Variants in FANCL observed in about 807,000 individuals in gnomAD.
FANCL encodes FA complementation group L.
FANCL carries 69 observed loss-of-function variants against 59.4 expected under a neutral mutation model. That is an observed-to-expected ratio of 1.16 (90% CI 0.96 to 1.42). The LOEUF is 1.42. FANCL is among the 40% of genes most tolerant of loss of function. FANCL has a pLI of 0.00. For synonymous variants in FANCL, 180 were observed against 147.1 expected, an observed-to-expected ratio of 1.22 and a Z score of -1.62; for missense variants, 519 against 447.2, an observed-to-expected ratio of 1.16 and a Z score of -1.45.
chr2:58,221,075 T>C (rs1692429090), intron 5 of FANCL, among the ~76,000 whole-genome samples: 1 of 151,636 alleles, frequency 6.6e-6, no homozygotes, highest in African/African-American at 2.4e-5. Context: ...TAGCCGGTCG[T>C]GGTGGCAGGC....
chr2:58,231,698 T>C (rs1400930640), intron 2 of FANCL, among the ~76,000 whole-genome samples: 2 of 152,198 alleles, frequency 1.3e-5, no homozygotes, highest in Admixed American at 6.5e-5. Context: ...TCTTCTCATA[T>C]AATGAATATA....
chr2:58,170,689 G>T (rs1254394335), intron 7 of FANCL, among the ~76,000 whole-genome samples: 1 of 120,642 alleles, frequency 8.3e-6, no homozygotes. Flanking sequence ...CAAGCAAATG[G>T]AAAGCAAAAA....
At chr2:58,236,022 C>T (rs1693984724) in intron 1 of FANCL, among the ~76,000 whole-genome samples, 1 of 149,406 alleles carries the variant, frequency 6.7e-6, no homozygotes. Flanking sequence ...ATTTGGAGTG[C>T]CCAACACAGA....
rs754317128 is a variant in FANCL, at chr2:58,159,404, T to TAAAC, written c.*357_*360dup. 18 of 1,613,336 alleles carry TAAAC rather than the reference T, an allele frequency of 1.1e-5. No homozygotes were observed. The highest frequency in any genetic ancestry group is 8.3e-5 in the Admixed American group (5 of 59,910). On this transcript the variant is annotated 3_prime_UTR_variant, in exon 14 of 14. Coordinates refer to ENST00000233741, the MANE Select transcript of FANCL (RefSeq NM_018062.4). ...GAGTCTCAAGAACCTTTGAATGAAG[T>TAAAC]AAACAGTTTCCCACAAAAAATCAGC...
At chr2:58,233,715 A>C (rs1377805999) in intron 1 of FANCL, among the ~76,000 whole-genome samples, 2 of 151,950 alleles carry the variant, frequency 1.3e-5, no homozygotes, top group African/African-American at 4.8e-5. Context: ...CATGGGAGAG[A>C]GACTGGGAGG....
At chr2:58,229,490 C>T (rs1328849293) in intron 3 of FANCL, among the ~76,000 whole-genome samples, 2 of 152,148 alleles carry the variant, frequency 1.3e-5, no homozygotes, top group Admixed American at 1.3e-4. Flanking sequence ...TATCCCACAG[C>T]TCTAAATGGG....
chr2:58,192,395 TTAG>T (rs1689012040), intron 7 of FANCL, among the ~76,000 whole-genome samples: 1 of 151,920 alleles, frequency 6.6e-6, no homozygotes, highest in African/African-American at 2.4e-5. Flanking sequence ...CATTGGTATT[TTAG>T]TATATGGAGG....
At chr2:58,173,529 C>A (rs542465630) in intron 7 of FANCL, among the ~76,000 whole-genome samples, 79 of 152,244 alleles carry the variant, frequency 5.2e-4, no homozygotes, top group Admixed American at 1.3e-3. Flanking sequence ...TCATATCCAG[C>A]CAAACTAAGC....
chr2:58,162,570 T>G (rs1685357535), intron 11 of FANCL, among the ~76,000 whole-genome samples: 1 of 151,852 alleles, frequency 6.6e-6, no homozygotes, highest in Non-Finnish European at 1.5e-5. Flanking sequence ...ATGTGAAATC[T>G]CTGTATACAG....
chr2:58,167,712 T>G (rs1000967308), intron 7 of FANCL, among the ~76,000 whole-genome samples: 1 of 152,178 alleles, frequency 6.6e-6, no homozygotes, highest in Admixed American at 6.5e-5. Context: ...TTTTAAACCC[T>G]AAAAGCCATT....
intron 7 of FANCL, among the ~76,000 whole-genome samples, chr2:58,193,293 A>G (rs988923543): frequency 7.9e-5 from 12 of 152,110 alleles, no homozygotes; most frequent in African/African-American, 2.9e-4. Flanking sequence ...CAAAACAATT[A>G]TACAATGACA....
At position 58,231,460 on chromosome 2, in the gene FANCL, T is replaced by G. The variant is rs539716293; in HGVS notation, c.155+594A>C. Among the ~76,000 whole-genome samples the G allele has an allele frequency of 3.3e-5, 5 of 152,312 alleles. No individual in the cohort carries two copies. In the East Asian group the frequency reaches 9.6e-4, roughly 29 times the overall value. On this transcript the variant is annotated intron_variant, in intron 2 of 13. Transcript: ENST00000233741. ...TGAGCCGGGAATTTGAAAAGCATCC[T>G]CTATTCCTTTTTCCCTCTTAACTAC...
intron 7 of FANCL, among the ~76,000 whole-genome samples, chr2:58,181,749 T>C (rs1687963509): frequency 6.6e-6 from 1 of 151,868 alleles, no homozygotes; most frequent in South Asian, 2.1e-4. Flanking sequence ...GTTTCTTGTA[T>C]GTCAGAAAAT....
intron 5 of FANCL, among the ~76,000 whole-genome samples, chr2:58,218,356 T>C (rs1692051561): frequency 6.6e-6 from 1 of 151,904 alleles, no homozygotes; most frequent in Non-Finnish European, 1.5e-5. Context: ...CGCTAAAAGT[T>C]GGGTCTTTGA....
In FANCL at chr2:58,159,799, G is replaced by A; in HGVS notation, c.1094C>T (p.Pro365Leu). Residue 365 changes from proline (P) to leucine (L), a missense_variant and splice_region_variant, in exon 14 of 14, where the codon CCA becomes CTA. By Grantham distance (98) the Pro-to-Leu change is moderately conservative. Coordinates refer to ENST00000233741, the MANE Select transcript of FANCL (RefSeq NM_018062.4). The stretch of plus-strand genomic sequence containing the variant: ...CCTTCCAGACATTTTTAAGGTAATT[G>A]GCTTTAAAAAGAGAACATATTTTAA... Reference protein sequence around the residue: ...IFGECPYCSKPITLKMSGRKH With the variant: ...IFGECPYCSKLITLKMSGRKH 1 of 1,610,106 alleles carries A rather than the reference G, an allele frequency of 6.2e-7. No individual in the cohort carries two copies. The highest frequency in any genetic ancestry group is 1.1e-5 in the South Asian group (1 of 90,926).
chr2:58,199,021 T>C, intron 6 of FANCL, among the ~76,000 whole-genome samples: 1 of 133,018 alleles, frequency 7.5e-6, no homozygotes. Context: ...AGAGTGAATC[T>C]CCATCTCAAA....
rs1220781705 is a variant in FANCL, at chr2:58,241,163, C to T, written c.96+55G>A. 3 of 1,577,398 alleles carry T rather than the reference C, an allele frequency of 1.9e-6. No homozygotes were observed. The African/African-American group carries it at 4.0e-5, about 21-fold the overall frequency. The stretch of plus-strand genomic sequence containing the variant: ...TCCTAGCCCGTCACAGACTTCTCCG[C>T]GCAGCTACGCTGCAAGAGGCTCTCT... On this transcript the variant is annotated intron_variant, in intron 1 of 13. Coordinates refer to ENST00000233741, the MANE Select transcript of FANCL (RefSeq NM_018062.4).
chr2:58,238,088 C>A (rs1316213877), intron 1 of FANCL, among the ~76,000 whole-genome samples: 1 of 152,220 alleles, frequency 6.6e-6, no homozygotes, highest in Non-Finnish European at 1.5e-5. Flanking sequence ...GCTTGACCAA[C>A]TGGCAGCCCA....
intron 5 of FANCL, 38 bp from the exon 6 acceptor site, chr2:58,204,264 G>C (rs1406360467): frequency 1.4e-6 from 2 of 1,401,738 alleles, no homozygotes; most frequent in African/African-American, 2.8e-5. Flanking sequence ...ATCACACCGG[G>C]GAGAGCTGGA....
Sources: allele counts gnomAD v4.1 joint callset (sites outside exome capture counted in the v4.1 genomes callset), GRCh38; gene constraint gnomAD v4.1.1; transcripts MANE v1.5; gene names NCBI Gene and HGNC (gene_info 2026-07-23, HGNC 2026-07-21).